FTO: variants seen among roughly 807,000 people sequenced by gnomAD.
FTO encodes the protein FTO alpha-ketoglutarate dependent dioxygenase, also known as alpha-ketoglutarate-dependent dioxygenase FTO.
A neutral mutation model predicts 63.9 loss-of-function variants in FTO; 47 were observed. The observed-to-expected ratio is 0.74, with a 90% CI of 0.58 to 0.94. The LOEUF is 0.94. Among genes scored for constraint, FTO ranks in the 40% least tolerant of loss-of-function variants. The pLI, the probability that FTO is intolerant of heterozygous loss-of-function variation, is 0.00. For synonymous variants in FTO, 207 were observed against 224.4 expected, an observed-to-expected ratio of 0.92 and a Z score of 0.69; for missense variants, 562 against 618.1, an observed-to-expected ratio of 0.91 and a Z score of 0.96.
chr16:54,051,281 A>G lies in FTO; in HGVS notation c.1365-60481A>G, dbSNP rs545720856. ...CCAGCTGGCCGGTGTCATGGCATCT[A>G]GTAAACAGGCCGATCCTCCACTATA... On this transcript the variant is annotated intron_variant, in intron 8 of 8. Coordinates refer to ENST00000471389, the MANE Select transcript of FTO (RefSeq NM_001080432.3). Among the ~76,000 whole-genome samples, 21 of 152,364 alleles carry G rather than the reference A, an allele frequency of 1.4e-4. No homozygotes were observed. The East Asian group carries it at 2.9e-3, about 21-fold the overall frequency.
At chr16:53,774,256 T>C (rs1261579990) in intron 1 of FTO, among the ~76,000 whole-genome samples, 1 of 152,174 alleles carries the variant, frequency 6.6e-6, no homozygotes, top group African/African-American at 2.4e-5. Context: ...GAGATTATAA[T>C]ACGCACCCTT....
At chr16:53,997,135 GGAAA>G (rs1353258052) in intron 8 of FTO, among the ~76,000 whole-genome samples, 6 of 71,404 alleles carry the variant, frequency 8.4e-5, no homozygotes, top group African/African-American at 4.5e-4. Context: ...AAAGAAAGAA[GGAAA>G]GAAAGAGAGA....
chr16:53,731,835 C>T (rs1233248636), intron 1 of FTO, among the ~76,000 whole-genome samples: 1 of 151,462 alleles, frequency 6.6e-6, no homozygotes, highest in Admixed American at 6.6e-5. Flanking sequence ...GCAAGCTCCT[C>T]CTCCTGGGTT....
chr16:53,917,439 C>A (rs952405674), intron 7 of FTO, among the ~76,000 whole-genome samples: 9 of 152,158 alleles, frequency 5.9e-5, no homozygotes, highest in Admixed American at 4.6e-4. Flanking sequence ...AATAATAAAA[C>A]CGATTTCACT....
intron 1 of FTO, among the ~76,000 whole-genome samples, chr16:53,721,963 A>C (rs774522614): frequency 3.9e-5 from 6 of 152,128 alleles, no homozygotes; most frequent in Non-Finnish European, 8.8e-5. Flanking sequence ...TTGATGGTAA[A>C]TTCTGCTTGG....
chr16:54,086,066 T>C (rs2086249026), intron 8 of FTO, among the ~76,000 whole-genome samples: 1 of 152,206 alleles, frequency 6.6e-6, no homozygotes, highest in African/African-American at 2.4e-5. Flanking sequence ...GCAGAGCACA[T>C]TGAGCCTAAT....
intron 7 of FTO, among the ~76,000 whole-genome samples, chr16:53,892,323 C>CA (rs1226854526): frequency 6.6e-6 from 1 of 152,036 alleles, no homozygotes; most frequent in Admixed American, 6.6e-5. Context: ...AAAACGCATA[C>CA]AAAAATACCA....
intron 8 of FTO, among the ~76,000 whole-genome samples, chr16:54,110,597 A>T (rs1355003663): frequency 6.6e-6 from 1 of 152,246 alleles, no homozygotes; most frequent in Non-Finnish European, 1.5e-5. Context: ...CCAGAGAAGA[A>T]GATGTCTTTC....
chr16:53,760,191 T>C (rs2077023536), intron 1 of FTO, among the ~76,000 whole-genome samples: 1 of 151,052 alleles, frequency 6.6e-6, no homozygotes. Flanking sequence ...GTCTACCAGT[T>C]AGTCTTCAGC....
At chr16:53,836,945 T>C (rs1381918870) in intron 3 of FTO, among the ~76,000 whole-genome samples, 4 of 152,172 alleles carry the variant, frequency 2.6e-5, no homozygotes, top group Non-Finnish European at 4.4e-5. Context: ...GACCCTCTTT[T>C]GATTAACCCA....
At chr16:53,790,578 G>GC (rs1491396661) in intron 1 of FTO, among the ~76,000 whole-genome samples, 1 of 7,116 alleles carries the variant, frequency 1.4e-4, no homozygotes, top group Non-Finnish European at 3.2e-4. Context: ...CCAAAATAAA[G>GC]CAAAAAAAAA....
intron 8 of FTO, among the ~76,000 whole-genome samples, chr16:54,005,610 T>C (rs1224111947): frequency 1.3e-5 from 2 of 152,098 alleles, no homozygotes; most frequent in African/African-American, 4.8e-5. Flanking sequence ...AGAATAGAAG[T>C]TAAGTAGCAT....
At chr16:54,109,109 G>A (rs915656947) in intron 8 of FTO, among the ~76,000 whole-genome samples, 2 of 152,122 alleles carry the variant, frequency 1.3e-5, no homozygotes, top group Non-Finnish European at 2.9e-5. Context: ...AATAACGAGC[G>A]CTCTGCTGGC....
At chr16:54,027,191 G>T (rs1021794624) in intron 8 of FTO, among the ~76,000 whole-genome samples, 2 of 152,142 alleles carry the variant, frequency 1.3e-5, no homozygotes, top group African/African-American at 2.4e-5. Context: ...ATAAGATAAT[G>T]ATACCATCTA....
At chr16:53,869,375 T>C (rs962829653) in intron 4 of FTO, among the ~76,000 whole-genome samples, 1 of 152,042 alleles carries the variant, frequency 6.6e-6, no homozygotes, top group Non-Finnish European at 1.5e-5. Context: ...TAAGTGTAGG[T>C]TTTTTTCCTG....
chr16:54,022,293 A>G (rs1389183633), intron 8 of FTO, among the ~76,000 whole-genome samples: 5 of 152,186 alleles, frequency 3.3e-5, no homozygotes, highest in African/African-American at 1.2e-4. Flanking sequence ...TGGTGCTGCT[A>G]CTGTTTCTGA....
intron 1 of FTO, among the ~76,000 whole-genome samples, chr16:53,739,848 A>G (rs139700409): frequency 4.5e-4 from 68 of 152,250 alleles, no homozygotes; most frequent in African/African-American, 1.6e-3. Flanking sequence ...AGTGATTGTA[A>G]TAGTTATATT....
At chr16:54,103,786 C>T (rs1298250151) in intron 8 of FTO, among the ~76,000 whole-genome samples, 2 of 152,184 alleles carry the variant, frequency 1.3e-5, no homozygotes, top group African/African-American at 2.4e-5. Context: ...TTGACTTGTT[C>T]TTTTCAGAGG....
chr16:54,081,973 A>G (rs763646929), intron 8 of FTO, among the ~76,000 whole-genome samples: 11 of 152,188 alleles, frequency 7.2e-5, no homozygotes, highest in Non-Finnish European at 1.0e-4. Context: ...TTGGGGACAG[A>G]GCAGAGATAC....
Sources: gnomAD v4.1 joint callset for allele counts (sites outside exome capture counted in the v4.1 genomes callset) on GRCh38, gnomAD v4.1.1 for gene constraint, MANE v1.5 for transcripts, NCBI Gene and HGNC (gene_info 2026-07-23, HGNC 2026-07-21) for gene names.